Variants in TASP1 observed in about 807,000 individuals in gnomAD.
TASP1 encodes threonine aspartase 1.
TASP1 carries 16 observed loss-of-function variants against 56.6 expected under a neutral mutation model. The ratio of observed to expected loss-of-function variants is 0.28; its 90% CI spans 0.19 to 0.43. The LOEUF is 0.43. Among genes scored for constraint, TASP1 ranks in the 20% least tolerant of loss-of-function variants. The probability of loss-of-function intolerance (pLI) is 1.00; values close to 1 mark genes in which losing one functional copy is unlikely to be tolerated. For missense variants in TASP1, 393 were observed against 511.6 expected (o/e 0.77, Z 2.24); for synonymous variants, 179 against 184.2 (o/e 0.97, Z 0.23).
At chr20:13,571,815 C>G (rs182038323) in intron 6 of TASP1, among the ~76,000 whole-genome samples, 6 of 152,180 alleles carry the variant, frequency 3.9e-5, no homozygotes. Flanking sequence ...TTGCTCTTAC[C>G]TCCTTGTGTA....
chr20:13,359,578 T>G, the TASP1 span, among the ~76,000 whole-genome samples: 1 of 151,136 alleles, frequency 6.6e-6, no homozygotes, highest in Admixed American at 6.6e-5. Context: ...TTCAAGGACC[T>G]GTTTCCCTTG....
the TASP1 span, among the ~76,000 whole-genome samples, chr20:13,263,729 A>G: frequency 6.6e-6 from 1 of 152,236 alleles, no homozygotes; most frequent in Non-Finnish European, 1.5e-5. Flanking sequence ...GCCTGGGTGC[A>G]GTATGGCTTC....
the TASP1 span, among the ~76,000 whole-genome samples, chr20:13,145,590 G>T: frequency 0.018 from 2,796 of 152,050 alleles, 54 homozygotes; most frequent in South Asian, 0.03. Flanking sequence ...TCAGTTCTAT[G>T]CCCATCAAAC....
chr20:13,405,081 C>T (rs1040874909), intron 13 of TASP1, among the ~76,000 whole-genome samples: 1 of 152,138 alleles, frequency 6.6e-6, no homozygotes, highest in South Asian at 2.1e-4. Context: ...CACCAATCCT[C>T]ACCTAATTTT....
At chr20:13,369,953 A>G in the TASP1 span, among the ~76,000 whole-genome samples, 4 of 152,316 alleles carry the variant, frequency 2.6e-5, no homozygotes, top group South Asian at 8.3e-4. Context: ...AAAGGTGGAG[A>G]AAAGAAGGTG....
chr20:13,276,855 C>T, the TASP1 span, among the ~76,000 whole-genome samples: 1 of 152,156 alleles, frequency 6.6e-6, no homozygotes, highest in Admixed American at 6.5e-5. Context: ...TAATTGGATG[C>T]CTATGAAACC....
intron 4 of TASP1, among the ~76,000 whole-genome samples, chr20:13,598,521 T>C (rs1319332062): frequency 3.3e-5 from 5 of 152,140 alleles, no homozygotes; most frequent in East Asian, 1.9e-4. Context: ...ACACCTTATA[T>C]AAAAATTAAT....
At position 13,393,676 on chromosome 20, in the gene TASP1, A is replaced by C. The variant is rs1395619473; in HGVS notation, c.1171-3224T>G. 6.2e-6 allele frequency: 8 copies of C among 1,282,766 alleles called. No individual in the cohort carries two copies. The Admixed American group carries it at 1.4e-4, about 22-fold the overall frequency. 79.5% of individuals were successfully genotyped at this position (1,282,766 alleles called of 1,614,324 possible). ...GCCCACATGGCCTCCAAGGAATAAG[A>C]CCCCTGGACCACCAGCCCCAGCGAC... On this transcript the variant is annotated intron_variant, in intron 13 of 13. Transcript: ENST00000337743.
the TASP1 span, among the ~76,000 whole-genome samples, chr20:13,347,572 C>T: frequency 1.9e-3 from 292 of 152,346 alleles, 1 homozygote; most frequent in African/African-American, 6.9e-3. Context: ...GGCACGGTGG[C>T]TCACACCTGT....
At chr20:13,466,604 G>T (rs567008028) in intron 11 of TASP1, among the ~76,000 whole-genome samples, 1 of 152,268 alleles carries the variant, frequency 6.6e-6, no homozygotes, top group East Asian at 1.9e-4. Flanking sequence ...AGCCAGGCGT[G>T]GTGGCATGCG....
the TASP1 span, among the ~76,000 whole-genome samples, chr20:13,262,761 C>A: frequency 5.9e-5 from 9 of 152,096 alleles, no homozygotes; most frequent in Admixed American, 2.6e-4. Context: ...GCCCCAAGAA[C>A]CTTCAATGAG....
chr20:13,628,564 A>G (rs2048979140), intron 2 of TASP1, among the ~76,000 whole-genome samples: 1 of 152,188 alleles, frequency 6.6e-6, no homozygotes, highest in South Asian at 2.1e-4. Context: ...TTAGATTCAC[A>G]TAAGGCTTCT....
intron 10 of TASP1, among the ~76,000 whole-genome samples, chr20:13,522,703 G>T (rs1057266445): frequency 2.0e-5 from 3 of 152,118 alleles, no homozygotes; most frequent in African/African-American, 7.2e-5. Flanking sequence ...AGATAAAATT[G>T]TAGGAATCAT....
At chr20:13,398,751 T>G (rs2041634793) in intron 13 of TASP1, among the ~76,000 whole-genome samples, 1 of 152,240 alleles carries the variant, frequency 6.6e-6, no homozygotes, top group Non-Finnish European at 1.5e-5. Context: ...AAAATGTCTA[T>G]GAAGTGTTTT....
At chr20:13,306,256 A>C in the TASP1 span, among the ~76,000 whole-genome samples, 1 of 152,360 alleles carries the variant, frequency 6.6e-6, no homozygotes, top group East Asian at 1.9e-4. Flanking sequence ...CTTTTAAAAA[A>C]GAAAAAGGAA....
chr20:13,496,054 AT>A (rs1036671920), intron 10 of TASP1, among the ~76,000 whole-genome samples: 5 of 150,052 alleles, frequency 3.3e-5, no homozygotes, highest in African/African-American at 7.4e-5. Context: ...TTTGATTTTG[AT>A]TTTTTTTTTC....
At chr20:13,172,830 A>G in the TASP1 span, among the ~76,000 whole-genome samples, 1 of 152,246 alleles carries the variant, frequency 6.6e-6, no homozygotes, top group Non-Finnish European at 1.5e-5. Flanking sequence ...AAGACATAGT[A>G]TCCAGGAAAG....
chr20:13,638,640 G>A (rs2049400620), intron 1 of TASP1, among the ~76,000 whole-genome samples: 1 of 152,170 alleles, frequency 6.6e-6, no homozygotes. Flanking sequence ...GTACTTCCCC[G>A]GTGGCCACGA....
chr20:13,352,431 CAG>C, the TASP1 span, among the ~76,000 whole-genome samples: 1 of 134,904 alleles, frequency 7.4e-6, no homozygotes, highest in Non-Finnish European at 1.5e-5. Flanking sequence ...GCCTGGGTGA[CAG>C]AGCAAGACTG....
Sources: allele counts gnomAD v4.1 joint callset (sites outside exome capture counted in the v4.1 genomes callset), GRCh38; gene constraint gnomAD v4.1.1; transcripts MANE v1.5; gene names NCBI Gene and HGNC (gene_info 2026-07-23, HGNC 2026-07-21).